MSRA: variants seen among roughly 807,000 people sequenced by gnomAD.
MSRA encodes methionine sulfoxide reductase A.
Under a neutral mutation model 31.3 loss-of-function variants are expected in MSRA, and 54 were observed. The ratio of observed to expected loss-of-function variants is 1.73; its 90% CI spans 1.39 to 2.17. MSRA has a LOEUF of 2.17. MSRA is among the 30% of genes most tolerant of loss of function. The probability of loss-of-function intolerance (pLI) is 0.00; values close to 1 mark genes in which losing one functional copy is unlikely to be tolerated. For synonymous variants in MSRA, 169 were observed against 116.5 expected (o/e 1.45, Z -2.90); for missense variants, 507 against 300.9 (o/e 1.69, Z -5.07).
chr8:10,209,625 C>G (rs1423417921), intron 2 of MSRA, among the ~76,000 whole-genome samples: 3 of 152,032 alleles, frequency 2.0e-5, no homozygotes, highest in Non-Finnish European at 2.9e-5. Context: ...TCCCCAAGGC[C>G]CTCATTGTTT....
intron 3 of MSRA, among the ~76,000 whole-genome samples, chr8:10,283,445 T>A (rs549666528): frequency 2.2e-4 from 33 of 152,128 alleles, no homozygotes; most frequent in Admixed American, 3.3e-4. Context: ...TTTAAAAAAA[T>A]TTTTATTTCC....
At chr8:10,083,200 A>T (rs879438392) in intron 1 of MSRA, among the ~76,000 whole-genome samples, 1 of 152,220 alleles carries the variant, frequency 6.6e-6, no homozygotes, top group South Asian at 2.1e-4. Context: ...GGCCCAAAAG[A>T]TTATGAATTT....
Position 10,057,787 on chromosome 8 carries a change from A to G in MSRA, c.142+3129A>G, listed in dbSNP as rs141756803. ...AGCTTCCTCTTCTGCCATGATTGTA[A>G]GTTTCCTGAGGCCTCCCTGGCCATG... On this transcript the variant is annotated intron_variant, in intron 1 of 5. Coordinates refer to ENST00000317173, the MANE Select transcript of MSRA (RefSeq NM_012331.5). Among the ~76,000 whole-genome samples the G allele has an allele frequency of 6.0e-4, 92 of 152,270 alleles. No individual in the cohort carries two copies. In the East Asian group the frequency reaches 0.014, roughly 24 times the overall value.
intron 5 of MSRA, among the ~76,000 whole-genome samples, chr8:10,421,573 A>C (rs568959795): frequency 8.6e-5 from 13 of 151,910 alleles, no homozygotes; most frequent in Admixed American, 8.5e-4. Context: ...CCTAATCGTA[A>C]GCTTGTTAGC....
chr8:10,383,759 A>G (rs939144695), intron 5 of MSRA, among the ~76,000 whole-genome samples: 18 of 152,202 alleles, frequency 1.2e-4, no homozygotes, highest in African/African-American at 4.3e-4. Flanking sequence ...GGGAAACTGT[A>G]GGGTGCTTTG....
intron 2 of MSRA, among the ~76,000 whole-genome samples, chr8:10,217,926 T>G (rs112910224): frequency 0.019 from 2,906 of 152,188 alleles, 39 homozygotes; most frequent in Non-Finnish European, 0.029. Flanking sequence ...CCCTTCTTTC[T>G]CTCTTTCCCT....
chr8:10,095,165 C>T (rs1163179735), intron 1 of MSRA, among the ~76,000 whole-genome samples: 2 of 152,198 alleles, frequency 1.3e-5, no homozygotes, highest in Non-Finnish European at 2.9e-5. Flanking sequence ...AAAAGAAATA[C>T]AGTATGTGGT....
chr8:10,393,829 C>T (rs1806918822), intron 5 of MSRA, among the ~76,000 whole-genome samples: 1 of 152,164 alleles, frequency 6.6e-6, no homozygotes, highest in Non-Finnish European at 1.5e-5. Context: ...CCCTGTGCAC[C>T]ACGTGTGCAC....
intron 5 of MSRA, among the ~76,000 whole-genome samples, chr8:10,348,755 C>T (rs769925339): frequency 1.3e-4 from 20 of 152,136 alleles, no homozygotes; most frequent in African/African-American, 2.2e-4. Flanking sequence ...GGCAGTTACA[C>T]GTCATACTGG....
intron 1 of MSRA, among the ~76,000 whole-genome samples, chr8:10,156,627 A>G (rs1379414698): frequency 2.6e-5 from 4 of 152,160 alleles, no homozygotes; most frequent in Admixed American, 1.3e-4. Context: ...ACATAGAGAC[A>G]TGGTGCTAGG....
intron 1 of MSRA, among the ~76,000 whole-genome samples, chr8:10,111,477 A>G (rs1800275431): frequency 6.6e-6 from 1 of 152,062 alleles, no homozygotes; most frequent in South Asian, 2.1e-4. Context: ...TCCATTTATG[A>G]TTTGTCGATC....
chr8:10,247,451 C>G (rs935802025), intron 3 of MSRA, among the ~76,000 whole-genome samples: 3 of 152,160 alleles, frequency 2.0e-5, no homozygotes, highest in African/African-American at 4.8e-5. Flanking sequence ...ATATGTCCCT[C>G]TGGTATATTT....
At chr8:10,427,506 C>T (rs544662667) in intron 5 of MSRA, among the ~76,000 whole-genome samples, 8 of 152,170 alleles carry the variant, frequency 5.3e-5, no homozygotes, top group Non-Finnish European at 1.0e-4. Flanking sequence ...GGCTCCCTGG[C>T]CTGGAGTTCA....
chr8:10,290,912 C>CA (rs1208831447), intron 3 of MSRA, among the ~76,000 whole-genome samples: 1 of 152,292 alleles, frequency 6.6e-6, no homozygotes, highest in East Asian at 1.9e-4. Context: ...TGTTTCGCAG[C>CA]AGAGTGGGAG....
chr8:10,076,398 C>T (rs1455479032), intron 1 of MSRA, among the ~76,000 whole-genome samples: 3 of 152,192 alleles, frequency 2.0e-5, no homozygotes, highest in African/African-American at 7.2e-5. Flanking sequence ...CCTTCAACTC[C>T]ACCTGAGCTC....
At chr8:10,285,201 A>G (rs2129110612) in intron 3 of MSRA, among the ~76,000 whole-genome samples, 1 of 152,256 alleles carries the variant, frequency 6.6e-6, no homozygotes, top group African/African-American at 2.4e-5. Flanking sequence ...ATTCACCACC[A>G]ATTCTGCATC....
At chr8:10,409,859 C>G (rs1057133632) in intron 5 of MSRA, among the ~76,000 whole-genome samples, 2 of 152,122 alleles carry the variant, frequency 1.3e-5, no homozygotes, top group South Asian at 2.1e-4. Flanking sequence ...GCTAGGAGTT[C>G]GAGACCAGCC....
intron 5 of MSRA, chr8:10,353,759 G>T (rs1452974731): frequency 2.6e-6 from 1 of 378,340 alleles, no homozygotes; most frequent in Non-Finnish European, 5.3e-6. Context: ...AGAGGACAGG[G>T]TTCCACTTGG....
chr8:10,173,117 C>T (rs1484160470), intron 1 of MSRA, among the ~76,000 whole-genome samples: 1 of 152,214 alleles, frequency 6.6e-6, no homozygotes, highest in African/African-American at 2.4e-5. Context: ...GGTCTTACAG[C>T]CCTTTTTCTG....
Sources: gnomAD v4.1 joint callset for allele counts (sites outside exome capture counted in the v4.1 genomes callset) on GRCh38, gnomAD v4.1.1 for gene constraint, MANE v1.5 for transcripts, NCBI Gene and HGNC (gene_info 2026-07-23, HGNC 2026-07-21) for gene names.